The following FAM120B variants were observed in gnomAD, a reference collection of about 807,000 sequenced individuals.
FAM120B encodes constitutive coactivator of peroxisome proliferator-activated receptor gamma.
FAM120B carries 83 observed loss-of-function variants against 96.3 expected under a neutral mutation model. The ratio of observed to expected loss-of-function variants is 0.86; its 90% CI spans 0.72 to 1.03. The LOEUF is 1.03. FAM120B is among the 50% of genes least tolerant of loss of function. The pLI is 0.00. For missense variants in FAM120B, 1,027 were observed against 1,121.2 expected (o/e 0.92, Z 1.20); for synonymous variants, 407 against 402.7 (o/e 1.01, Z -0.13).
At chr6:170,356,966 G>T (rs574337967) in intron 5 of FAM120B, among the ~76,000 whole-genome samples, 1 of 152,162 alleles carries the variant, frequency 6.6e-6, no homozygotes, top group Non-Finnish European at 1.5e-5. Flanking sequence ...GCATTGGCAG[G>T]TCCAAGCAGC....
At chr6:170,386,698 G>A (rs1017168730) in intron 6 of FAM120B, among the ~76,000 whole-genome samples, 6 of 152,180 alleles carry the variant, frequency 3.9e-5, no homozygotes, top group African/African-American at 1.2e-4. Flanking sequence ...GCTGTGCTAC[G>A]CCCTTTCTTC....
chr6:170,316,537 T>C (rs1784912677), intron 1 of FAM120B, among the ~76,000 whole-genome samples: 2 of 152,344 alleles, frequency 1.3e-5, no homozygotes. Flanking sequence ...TCATACCTTT[T>C]CCAGATTCCA....
chr6:170,314,296 A>G (rs1313385816), intron 1 of FAM120B, among the ~76,000 whole-genome samples: 2 of 152,184 alleles, frequency 1.3e-5, no homozygotes, highest in African/African-American at 2.4e-5. Context: ...TTTGGCCATA[A>G]TTGAAGTCTG....
At chr6:170,327,641 G>A (rs979910859) in intron 3 of FAM120B, among the ~76,000 whole-genome samples, 4 of 151,686 alleles carry the variant, frequency 2.6e-5, no homozygotes, top group Admixed American at 6.6e-5. Flanking sequence ...AGGCTGCTCC[G>A]GTGAGTCCAT....
intron 6 of FAM120B, among the ~76,000 whole-genome samples, chr6:170,378,766 C>T (rs989215273): frequency 2.0e-5 from 3 of 152,092 alleles, no homozygotes; most frequent in Non-Finnish European, 2.9e-5. Context: ...TGGTTGTGGG[C>T]GGGGTGGGCT....
At chr6:170,331,557 G>A (rs1175764673) in intron 4 of FAM120B, among the ~76,000 whole-genome samples, 5 of 152,242 alleles carry the variant, frequency 3.3e-5, no homozygotes, top group East Asian at 1.9e-4. Context: ...TTGCAGTAAG[G>A]AGCATTTTTT....
intron 2 of FAM120B, 107 bp downstream of exon 2, chr6:170,319,231 C>T (rs1785136330): frequency 3.6e-6 from 4 of 1,098,326 alleles, no homozygotes; most frequent in Non-Finnish European, 5.2e-6. Flanking sequence ...TGAGAGGATG[C>T]ACAACAGGAG....
At chr6:170,381,365 A>T (rs1208838747) in intron 6 of FAM120B, among the ~76,000 whole-genome samples, 5 of 152,142 alleles carry the variant, frequency 3.3e-5, no homozygotes, top group African/African-American at 1.2e-4. Context: ...GAACTTCATA[A>T]CTGTTAAAGA....
Position 170,330,393 on chromosome 6 carries a change from G to A in FAM120B, c.1916-56G>A, listed in dbSNP as rs562123342. ...TGGGCAGAGCTGGGTCTGTGACACT[G>A]TGAGCCTGGCGATGCATGCCCTCAT... On this transcript the variant is annotated intron_variant, in intron 3 of 10. Coordinates refer to ENST00000476287, the MANE Select transcript of FAM120B (RefSeq NM_032448.3). The A allele has an allele frequency of 1.3e-5, 18 of 1,411,512 alleles. No individual in the cohort carries two copies. The African/African-American group carries it at 1.6e-4, about 12-fold the overall frequency. The allele number at this position is 1,411,512 out of a possible 1,614,324, so 87.4% of individuals were successfully genotyped here.
upstream of FAM120B, among the ~76,000 whole-genome samples, chr6:170,291,758 C>T (rs1306427987): frequency 6.6e-6 from 1 of 152,290 alleles, no homozygotes; most frequent in African/African-American, 2.4e-5. Context: ...GGTGTCCTCT[C>T]GTGGTCCGCG....
chr6:170,318,574 C>G lies in FAM120B; in HGVS notation c.1184C>G (p.Pro395Arg), dbSNP rs747615412. 2 of 1,479,606 alleles carry G rather than the reference C, an allele frequency of 1.4e-6. No homozygotes were observed. The highest frequency in any genetic ancestry group is 2.8e-5 in the African/African-American group (2 of 71,128). 91.7% of individuals were successfully genotyped at this position (1,479,606 alleles called of 1,614,324 possible). Residue 395 changes from proline (P) to arginine (R), a missense_variant, in exon 2 of 11, where the codon CCT becomes CGT. By Grantham distance (103) the Pro-to-Arg change is moderately radical. Coordinates refer to ENST00000476287, the MANE Select transcript of FAM120B (RefSeq NM_032448.3). ...CAAGAAGTTCCCACGTGTACAGGCC[C>G]TGAATCCAGGCGAGAAGTTCCCATG... ...PRQEVPTCTG[P>R]ESRREVPMCS...
At chr6:170,395,270 C>T (rs528800260) in intron 8 of FAM120B, among the ~76,000 whole-genome samples, 1 of 152,218 alleles carries the variant, frequency 6.6e-6, no homozygotes, top group East Asian at 1.9e-4. Flanking sequence ...ACCAGATTCT[C>T]CTGGGGTAGG....
At chr6:170,371,235 A>G (rs948157192) in intron 6 of FAM120B, among the ~76,000 whole-genome samples, 1 of 151,946 alleles carries the variant, frequency 6.6e-6, no homozygotes, top group African/African-American at 2.4e-5. Flanking sequence ...CATAAACATG[A>G]CATCGCACAG....
upstream of FAM120B, among the ~76,000 whole-genome samples, chr6:170,303,192 A>C (rs750882066): frequency 1.3e-5 from 2 of 152,124 alleles, no homozygotes; most frequent in African/African-American, 2.4e-5. Context: ...TCTTACATTT[A>C]TCTCTTATAT....
In FAM120B at chr6:170,332,125, C is replaced by T. The variant is rs148763375; in HGVS notation, c.2017+1575C>T. Among the ~76,000 whole-genome samples, 351 of 152,102 alleles carry T rather than the reference C, an allele frequency of 2.3e-3. 1 individual carries two copies. Among genetic ancestry groups the T allele is most frequent in the African/African-American group, 7.9e-3 (328 of 41,496 alleles). On this transcript the variant is annotated intron_variant, in intron 4 of 10. Transcript: ENST00000476287. ...CAGACATAGGATTTGAACTTTTACA[C>T]GGAGGGCCACATCTCAAACACACTC...
At chr6:170,345,808 G>A (rs553448159) in intron 4 of FAM120B, among the ~76,000 whole-genome samples, 1 of 152,320 alleles carries the variant, frequency 6.6e-6, no homozygotes, top group African/African-American at 2.4e-5. Context: ...TCCTAGTTAT[G>A]TATTCAGGAA....
chr6:170,341,843 G>C lies in FAM120B; in HGVS notation c.2018-6308G>C, dbSNP rs983119764. 2.0e-5 allele frequency among the ~76,000 whole-genome samples: 3 copies of C among 152,194 alleles called. No homozygotes were observed. In the East Asian group the frequency reaches 5.8e-4, roughly 29 times the overall value. On this transcript the variant is annotated intron_variant, in intron 4 of 10. Coordinates refer to ENST00000476287, the MANE Select transcript of FAM120B (RefSeq NM_032448.3). ...AACCAGTCCCATTGAGATGAACCAG[G>C]TACCTCAGTTGGAAATGCAGAAATC...
chr6:170,299,539 CATTT>C (rs1168539652), intron 1 of FAM120B, among the ~76,000 whole-genome samples: 6 of 152,372 alleles, frequency 3.9e-5, no homozygotes, highest in Admixed American at 2.0e-4. Context: ...AGGCTCACCT[CATTT>C]GTTTTCCTCC....
chr6:170,322,721 A>G (rs1032000946), intron 2 of FAM120B, among the ~76,000 whole-genome samples: 1 of 152,104 alleles, frequency 6.6e-6, no homozygotes, highest in Non-Finnish European at 1.5e-5. Flanking sequence ...GGTGTGAAGG[A>G]TGGGTTGGAA....
Sources: allele counts gnomAD v4.1 joint callset (sites outside exome capture counted in the v4.1 genomes callset), GRCh38; gene constraint gnomAD v4.1.1; transcripts MANE v1.5; gene names NCBI Gene and HGNC (gene_info 2026-07-23, HGNC 2026-07-21).